The following C14orf39 variants were observed in gnomAD, a reference collection of about 807,000 sequenced individuals.
C14orf39 encodes protein SIX6OS1.
C14orf39 carries 66 observed loss-of-function variants against 85.6 expected under a neutral mutation model. That is an observed-to-expected ratio of 0.77 (90% CI 0.63 to 0.95). The LOEUF (loss-of-function observed/expected upper bound fraction) is 0.95, where lower values mean the gene tolerates loss of function less well. Ranked by LOEUF, C14orf39 falls within the 40% of genes least tolerant of loss-of-function variation. The pLI, the probability that C14orf39 is intolerant of heterozygous loss-of-function variation, is 0.00. For missense variants in C14orf39, 735 were observed against 663.9 expected, an observed-to-expected ratio of 1.11 and a Z score of -1.18; for synonymous variants, 242 against 214.0, an observed-to-expected ratio of 1.13 and a Z score of -1.14.
intron 7 of C14orf39, 148 bp downstream of exon 7, chr14:60,471,269 A>C (rs1261549725): frequency 9.7e-6 from 7 of 723,252 alleles, no homozygotes; most frequent in Non-Finnish European, 1.6e-5. Flanking sequence ...AAATGAATCC[A>C]AGATGACCTT....
At chr14:60,441,638 C>T (rs887974457) in intron 17 of C14orf39, among the ~76,000 whole-genome samples, 20 of 151,700 alleles carry the variant, frequency 1.3e-4, no homozygotes, top group Non-Finnish European at 2.9e-4. Flanking sequence ...CAAAAGCATA[C>T]CTGATATAAA....
chr14:60,497,565 C>G (rs1223006522), intron 2 of C14orf39, among the ~76,000 whole-genome samples: 1 of 152,156 alleles, frequency 6.6e-6, no homozygotes, highest in East Asian at 1.9e-4. Context: ...TCTAGACTTT[C>G]AGTTCTGCAA....
At chr14:60,467,068 T>C in intron 9 of C14orf39, 24 bp from the exon 10 acceptor site, 1 of 1,148,154 alleles carries the variant, frequency 8.7e-7, no homozygotes, top group Non-Finnish European at 1.2e-6. Flanking sequence ...TGAATTACAT[T>C]AAATATTAGA....
chr14:60,494,215 C>T, intron 2 of C14orf39: 1 of 243,878 alleles, frequency 4.1e-6, no homozygotes, highest in Non-Finnish European at 8.4e-6. Flanking sequence ...AAAACAAGAA[C>T]ATCCATGGTG....
intron 15 of C14orf39, among the ~76,000 whole-genome samples, chr14:60,456,375 TTGA>T (rs1379488755): frequency 6.6e-6 from 1 of 151,860 alleles, no homozygotes; most frequent in African/African-American, 2.4e-5. Flanking sequence ...GGAATATTAA[TTGA>T]TGATAAGTCT....
chr14:60,464,872 T>C (rs868524904), intron 11 of C14orf39, among the ~76,000 whole-genome samples: 1 of 152,098 alleles, frequency 6.6e-6, no homozygotes, highest in African/African-American at 2.4e-5. Context: ...TGGCACCTTA[T>C]TCGTTTTCTA....
intron 2 of C14orf39, among the ~76,000 whole-genome samples, chr14:60,492,642 G>C (rs1893008178): frequency 6.6e-6 from 1 of 151,884 alleles, no homozygotes. Flanking sequence ...AATTAGCTGT[G>C]TGTGCTGGTA....
intron 1 of C14orf39, among the ~76,000 whole-genome samples, chr14:60,500,490 G>A (rs1043898205): frequency 3.9e-5 from 6 of 152,142 alleles, no homozygotes; most frequent in African/African-American, 1.2e-4. Flanking sequence ...ACATAAACAT[G>A]TTCCTTGCTT....
intron 2 of C14orf39, chr14:60,494,110 A>G: frequency 3.1e-6 from 1 of 318,058 alleles, no homozygotes. Flanking sequence ...TACTGGTTCC[A>G]CACGACAGGG....
Position 60,469,613 on chromosome 14 carries a change from C to T in C14orf39, c.595G>A (p.Ala199Thr). The T allele has an allele frequency of 1.3e-6, 2 of 1,510,510 alleles. No homozygotes were observed. Among genetic ancestry groups the T allele is most frequent in the South Asian group, 1.3e-5 (1 of 74,440 alleles). 93.6% of individuals were successfully genotyped at this position (1,510,510 alleles called of 1,614,324 possible). A position where few individuals can be genotyped will look rare whatever the true frequency, so the allele number is the denominator to read the frequency against. ...GATGAACTTTTGGTAAGATTGCTGG[C>T]ATGTTTAAGAATATCTTGTGTTTCA... Reference protein sequence around the residue: ...RCETQDILKHASNLTKSSSEL... With the variant: ...RCETQDILKHTSNLTKSSSEL... Residue 199 changes from alanine (A) to threonine (T), a missense_variant, in exon 8 of 18, where the codon GCC (alanine) becomes ACC (threonine). By Grantham distance (58) the Ala-to-Thr change is moderately conservative (BLOSUM62 0). Transcript: ENST00000321731.
At chr14:60,473,720 C>T (rs77569835) in intron 5 of C14orf39, among the ~76,000 whole-genome samples, 123,105 of 152,082 alleles carry the variant, frequency 0.81, 51,463 homozygotes, top group Non-Finnish European at 0.91. Flanking sequence ...TGTAGATATG[C>T]GGCATTATTT....
chr14:60,479,420 G>A (rs979418781), intron 4 of C14orf39, among the ~76,000 whole-genome samples: 3 of 152,152 alleles, frequency 2.0e-5, no homozygotes, highest in Non-Finnish European at 4.4e-5. Context: ...GGGAAGAGGT[G>A]AAAAACTATT....
intron 16 of C14orf39, among the ~76,000 whole-genome samples, chr14:60,454,184 C>T (rs1891161080): frequency 6.6e-6 from 1 of 151,758 alleles, no homozygotes; most frequent in Non-Finnish European, 1.5e-5. Flanking sequence ...TTTGTAATTT[C>T]AACAATTTAA....
At chr14:60,457,510 T>G (rs1027056188) in intron 14 of C14orf39, among the ~76,000 whole-genome samples, 1 of 152,026 alleles carries the variant, frequency 6.6e-6, no homozygotes, top group African/African-American at 2.4e-5. Context: ...TAATTACATT[T>G]TCACACTTTT....
At position 60,466,034 on chromosome 14, in the gene C14orf39, G is replaced by A. The variant is rs12586711; in HGVS notation, c.917C>T (p.Ala306Val). The change falls in exon 11 of 18, where the codon GCG becomes GTG. Residue 306 changes from alanine (A) to valine (V), a missense_variant. Physicochemically the swap from Ala to Val is moderately conservative, Grantham distance 64 (BLOSUM62 0). Transcript: ENST00000321731. Reference protein sequence around the residue: ...RVADIKEESSAKQSKLANIDF... With the variant: ...RVADIKEESSVKQSKLANIDF... ...AATATTGGCAAGCTTTGACTGCTTC[G>A]CAGAACTTTCTTCTTTTATATCTAG... 0.2 allele frequency: 301,067 copies of A among 1,524,610 alleles called. 33,746 individuals are homozygous for A. Among genetic ancestry groups the A allele is most frequent in the East Asian group, 0.5 (20,492 of 40,942 alleles). 94.4% of individuals were successfully genotyped at this position (1,524,610 alleles called of 1,614,324 possible). A position where few individuals can be genotyped will look rare whatever the true frequency, so the allele number is the denominator to read the frequency against.
chr14:60,513,173 T>C (rs1893317911), intron 1 of C14orf39, among the ~76,000 whole-genome samples: 1 of 152,194 alleles, frequency 6.6e-6, no homozygotes, highest in African/African-American at 2.4e-5. Context: ...TTCTTGAAAA[T>C]CAAAACTCTC....
At chr14:60,446,749 AAG>A (rs1890785120) in intron 16 of C14orf39, among the ~76,000 whole-genome samples, 2 of 152,226 alleles carry the variant, frequency 1.3e-5, no homozygotes, top group South Asian at 4.1e-4. Context: ...ACAACAAAAA[AAG>A]AGAATTTTAG....
rs1367458812 is a variant in C14orf39, at chr14:60,442,086, C to T, written c.1549G>A (p.Glu517Lys). Reference sequence around the variant, plus strand: ...TCAAACAACTTACCAATCTCTTGCTCTGATGACAGAGGATTTAGATTTCTT... The same window carrying T: ...TCAAACAACTTACCAATCTCTTGCTTTGATGACAGAGGATTTAGATTTCTT... The part of the protein sequence containing the change: ...SARNLNPLSS[E>K]QEIGNLLEKP... Residue 517 changes from glutamate to lysine, a missense_variant, in exon 17 of 18, where the codon GAG becomes AAG. Coordinates refer to ENST00000321731, the MANE Select transcript of C14orf39 (RefSeq NM_174978.3). 1.9e-6 allele frequency: 3 copies of T among 1,610,186 alleles called. No homozygotes were observed. Among genetic ancestry groups the T allele is most frequent in the Admixed American group, 1.7e-5 (1 of 59,950 alleles).
upstream of C14orf39, among the ~76,000 whole-genome samples, chr14:60,487,492 C>CGCGTGT (rs1892917180): frequency 2.7e-5 from 4 of 150,142 alleles, no homozygotes; most frequent in African/African-American, 9.8e-5. Flanking sequence ...AATAAAAGTC[C>CGCGTGT]GTGTGTGTGT....
Sources: gnomAD v4.1 joint callset for allele counts (sites outside exome capture counted in the v4.1 genomes callset) on GRCh38, gnomAD v4.1.1 for gene constraint, MANE v1.5 for transcripts, NCBI Gene and HGNC (gene_info 2026-07-23, HGNC 2026-07-21) for gene names.